The following CNGA3 variants were observed in gnomAD, a reference collection of about 807,000 sequenced individuals.
CNGA3 encodes cyclic nucleotide-gated channel alpha-3.
In CNGA3, 42 loss-of-function variants were observed where a neutral mutation model predicts 46.6. The ratio of observed to expected loss-of-function variants is 0.90; its 90% CI spans 0.70 to 1.17. The LOEUF is 1.17. CNGA3 is among the 50% of genes most tolerant of loss of function. The pLI is 0.00. For missense variants in CNGA3, 893 were observed against 890.7 expected (o/e 1.00, Z -0.03); for synonymous variants, 394 against 369.4 (o/e 1.07, Z -0.76).
In CNGA3 at chr2:98,397,289, G is replaced by A. The variant is rs762873572; in HGVS notation, c.*34G>A. ...CATCTGTCTCCTGCTTCACAGGGTC[G>A]ACTGTCAGGGTGACCGTATGTGGCC... On this transcript the variant is annotated 3_prime_UTR_variant, in exon 8 of 8. Transcript: ENST00000272602. 14 of 1,600,268 alleles carry A rather than the reference G, an allele frequency of 8.7e-6. No individual in the cohort carries two copies. The highest frequency in any genetic ancestry group is 2.7e-5 in the African/African-American group (2 of 74,688).
At chr2:98,346,567 T>A (rs564304720) in intron 1 of CNGA3, 33 bp downstream of exon 1, 87 of 397,068 alleles carry the variant, frequency 2.2e-4, no homozygotes, top group African/African-American at 1.4e-3. Flanking sequence ...GAGCTGGAAT[T>A]TTTTGGGGGG....
chr2:98,387,008 T>C (rs1203997487), intron 5 of CNGA3, among the ~76,000 whole-genome samples: 1 of 152,240 alleles, frequency 6.6e-6, no homozygotes, highest in African/African-American at 2.4e-5. Flanking sequence ...ATCTGCAAGA[T>C]AATACATTTA....
At chr2:98,348,125 G>T (rs894622184) in intron 1 of CNGA3, among the ~76,000 whole-genome samples, 3 of 152,218 alleles carry the variant, frequency 2.0e-5, no homozygotes, top group Non-Finnish European at 4.4e-5. Context: ...GGGGTAGGGG[G>T]AAGGACAGGA....
chr2:98,377,867 T>C (rs942302810), intron 3 of CNGA3, 67 bp downstream of exon 3: 1 of 1,459,704 alleles, frequency 6.9e-7, no homozygotes, highest in Non-Finnish European at 9.3e-7. Flanking sequence ...GGTAGTGACC[T>C]CTCAGGAAAA....
chr2:98,397,340 C>A lies in CNGA3; in HGVS notation c.*85C>A. On this transcript the variant is annotated 3_prime_UTR_variant, in exon 8 of 8. Coordinates refer to ENST00000272602, the MANE Select transcript of CNGA3 (RefSeq NM_001298.3). Reference sequence around the variant, plus strand: ...GCAGCTGTGTGGCATGGAACTTGGTCAGGGTTGAATTCCAGCTCTACTCAC... The same window carrying A: ...GCAGCTGTGTGGCATGGAACTTGGTAAGGGTTGAATTCCAGCTCTACTCAC... 1 of 1,387,870 alleles carries A rather than the reference C, an allele frequency of 7.2e-7. No individual in the cohort carries two copies. Among genetic ancestry groups the A allele is most frequent in the Non-Finnish European group, 1.0e-6 (1 of 991,836 alleles). The allele number at this position is 1,387,870 out of a possible 1,614,324, so 86.0% of individuals were successfully genotyped here. A position where few individuals can be genotyped will look rare whatever the true frequency, so the allele number is the denominator to read the frequency against.
chr2:98,379,330 C>T (rs1692485949), intron 3 of CNGA3, among the ~76,000 whole-genome samples: 1 of 152,234 alleles, frequency 6.6e-6, no homozygotes, highest in Admixed American at 6.5e-5. Context: ...CTCGGGACAC[C>T]CCGTCCAGGG....
At chr2:98,393,160 G>C (rs1017379495) in intron 7 of CNGA3, among the ~76,000 whole-genome samples, 8 of 151,976 alleles carry the variant, frequency 5.3e-5, no homozygotes, top group Non-Finnish European at 1.2e-4. Flanking sequence ...GAGGTGAGAG[G>C]ATTGCTTGAG....
chr2:98,389,748 C>T lies in CNGA3; in HGVS notation c.540C>T (p.Phe180=). 1 of 1,613,160 alleles carries T rather than the reference C, an allele frequency of 6.2e-7. No homozygotes were observed. Among genetic ancestry groups the T allele is most frequent in the East Asian group, 2.2e-5 (1 of 44,888 alleles). ...TGACCGCCATCGCCCTGCCTGTCTT[C>T]TATAACTGGTATCTGCTTATTTGCA... is the stretch of plus-strand genomic sequence containing the variant. ...RWLTAIALPV[F]YNWYLLICRA... Residue 180 remains phenylalanine (F), a synonymous_variant, in exon 6 of 8, where the codon TTC becomes TTT. Coordinates refer to ENST00000272602, the MANE Select transcript of CNGA3 (RefSeq NM_001298.3).
At position 98,395,877 on chromosome 2, in the gene CNGA3, C is replaced by A; in HGVS notation, c.707C>A (p.Thr236Asn). Residue 236 changes from threonine (T) to asparagine (N), a missense_variant, in exon 8 of 8, where the codon ACC (threonine) becomes AAC (asparagine). Around this residue, in one of 3 missense-constraint regions of CNGA3, gnomAD observed 12 missense variants for 29.1 expected, o/e 0.41. Transcript: ENST00000272602. ...FLEQGLMVSD[T>N]NRLWQHYKTT... ...GAGCAAGGCTTAATGGTCAGTGATA[C>A]CAACAGGCTGTGGCAGCATTACAAG... is the stretch of plus-strand genomic sequence containing the variant. 1.2e-6 allele frequency: 2 copies of A among 1,614,194 alleles called. No homozygotes were observed. The highest frequency in any genetic ancestry group is 2.2e-5 in the South Asian group (2 of 91,088).
At position 98,364,258 on chromosome 2, in the gene CNGA3, A is replaced by T. The variant is rs544838199; in HGVS notation, c.-37-5681A>T. On this transcript the variant is annotated intron_variant, in intron 1 of 7. Transcript: ENST00000272602. ...CCAGGCATGGTGGCATGGGCGTGTT[A>T]TCCCAGCTACTAGGGAGACTGAGCT... 6.6e-5 allele frequency among the ~76,000 whole-genome samples: 10 copies of T among 152,228 alleles called. No individual in the cohort carries two copies. In the East Asian group the frequency reaches 1.7e-3, roughly 26 times the overall value.
chr2:98,373,698 T>C (rs1692339967), intron 2 of CNGA3, among the ~76,000 whole-genome samples: 1 of 152,250 alleles, frequency 6.6e-6, no homozygotes, highest in Admixed American at 6.5e-5. Flanking sequence ...GTTGGCTCAA[T>C]TATTTAAGAA....
chr2:98,366,023 T>G (rs6732654), intron 1 of CNGA3, among the ~76,000 whole-genome samples: 29,211 of 152,250 alleles, frequency 0.19, 3,203 homozygotes, highest in Non-Finnish European at 0.26. Flanking sequence ...TTCTTTCTCA[T>G]CTTCATGGGT....
At position 98,370,032 on chromosome 2, in the gene CNGA3, G is replaced by T. The variant is rs747940315; in HGVS notation, c.57G>T (p.Lys19Asn). The T allele has an allele frequency of 3.1e-6, 5 of 1,613,876 alleles. No homozygotes were observed. The African/African-American group carries it at 5.3e-5, about 17-fold the overall frequency. Residue 19 changes from lysine (K) to asparagine (N), a missense_variant, in exon 2 of 8, where the codon AAG (lysine) becomes AAT (asparagine). Lys to Asn is a moderately conservative substitution (Grantham distance 94). Coordinates refer to ENST00000272602, the MANE Select transcript of CNGA3 (RefSeq NM_001298.3). ...SHPSRTHLKV[K>N]TSDRDLNRAE... ...CCTCCAGGACCCACCTCAAGGTAAA[G>T]ACCTCAGACCGAGATCTCAATCGCG...
In CNGA3 at chr2:98,396,070, G is replaced by A; in HGVS notation, c.900G>A (p.Met300Ile). The change falls in exon 8 of 8, where the codon ATG (methionine) becomes ATA (isoleucine). Residue 300 changes from methionine (M) to isoleucine (I), a missense_variant. Transcript: ENST00000272602. ...AGACAAGGACCAACTACCCCAATAT[G>A]TTCAGGATTGGGAACTTGGTCTTGT... The part of the protein sequence containing the change: ...RTETRTNYPN[M>I]FRIGNLVLYI... 6.2e-7 allele frequency: 1 copy of A among 1,614,158 alleles called. No individual in the cohort carries two copies. Among genetic ancestry groups the A allele is most frequent in the South Asian group, 1.1e-5 (1 of 91,084 alleles).
At chr2:98,380,084 G>A (rs1692501402) in intron 3 of CNGA3, 91 bp from the exon 4 acceptor site, 4 of 1,422,810 alleles carry the variant, frequency 2.8e-6, no homozygotes, top group Middle Eastern at 2.4e-4. Flanking sequence ...GACAGAGAGG[G>A]AGGGAGAAAG....
chr2:98,376,438 G>A (rs1243220802), intron 2 of CNGA3, among the ~76,000 whole-genome samples: 1 of 152,150 alleles, frequency 6.6e-6, no homozygotes, highest in African/African-American at 2.4e-5. Context: ...GACTCCCGGT[G>A]GTTCCAGCAG....
intron 3 of CNGA3, 107 bp from the exon 4 acceptor site, chr2:98,380,068 G>C: frequency 7.5e-7 from 1 of 1,332,052 alleles, no homozygotes; most frequent in Admixed American, 1.8e-5. Context: ...CCCATCCCTT[G>C]AGACAGACAG....
At chr2:98,383,313 T>A in intron 4 of CNGA3, 75 bp from the exon 5 acceptor site, 1 of 1,385,972 alleles carries the variant, frequency 7.2e-7, no homozygotes. Context: ...TGGGGCATGG[T>A]AATCCCCTGG....
At chr2:98,355,031 T>C (rs1691848113) in intron 1 of CNGA3, among the ~76,000 whole-genome samples, 2 of 152,204 alleles carry the variant, frequency 1.3e-5, no homozygotes, top group Admixed American at 6.5e-5. Flanking sequence ...GCATGTTGGA[T>C]TTTTGCCAAA....
Sources: allele counts gnomAD v4.1 joint callset (sites outside exome capture counted in the v4.1 genomes callset), GRCh38; gene constraint gnomAD v4.1.1; regional missense constraint gnomAD v4.1.1; transcripts MANE v1.5; gene names NCBI Gene and HGNC (gene_info 2026-07-23, HGNC 2026-07-21).